ZNF418: variants seen among roughly 807,000 people sequenced by gnomAD.
ZNF418 encodes the protein zinc finger protein 418.
ZNF418 carries 32 observed loss-of-function variants against 32.0 expected under a neutral mutation model. The ratio of observed to expected loss-of-function variants is 1.00; its 90% CI spans 0.75 to 1.34. ZNF418 has a LOEUF of 1.34. Ranked by LOEUF, ZNF418 falls within the 40% of genes most tolerant of loss-of-function variation. The pLI, the probability that ZNF418 is intolerant of heterozygous loss-of-function variation, is 0.00. For synonymous variants in ZNF418, 276 were observed against 270.7 expected (o/e 1.02, Z -0.19); for missense variants, 804 against 812.5 (o/e 0.99, Z 0.13).
At chr19:57,931,461 C>G (rs1405258255) in intron 2 of ZNF418, among the ~76,000 whole-genome samples, 1 of 152,194 alleles carries the variant, frequency 6.6e-6, no homozygotes. Flanking sequence ...CTCGGCCTCC[C>G]ATAGTGCTGG....
At chr19:57,932,311 A>G in intron 2 of ZNF418, 1 of 872,782 alleles carries the variant, frequency 1.1e-6, no homozygotes, top group East Asian at 2.7e-5. Flanking sequence ...GAGGTCATAC[A>G]GTATCACCAC....
rs1310402673 is a variant in ZNF418 at position 57,926,754 on chromosome 19, T to C, written c.1427A>G (p.His476Arg). The C allele has an allele frequency of 6.2e-7, 1 of 1,614,208 alleles. No homozygotes were observed. ...KSHLIEHQRV[H>R]TGERPYECNE... ...ACATTCATATGGCCTTTCTCCAGTGTGAACTCTCTGGTGTTCAATGAGGTG... is the reference window on the plus strand; with the variant it reads ...ACATTCATATGGCCTTTCTCCAGTGCGAACTCTCTGGTGTTCAATGAGGTG... Residue 476 changes from histidine to arginine, a missense_variant, in exon 4 of 6, where the codon CAC (histidine) becomes CGC (arginine). Around this residue, in one of 3 missense-constraint regions of ZNF418, gnomAD observed 475 missense variants for 458.6 expected, o/e 1.04. Coordinates refer to ENST00000396147, the MANE Select transcript of ZNF418 (RefSeq NM_133460.3).
intron 2 of ZNF418, among the ~76,000 whole-genome samples, chr19:57,933,215 T>G (rs112016360): frequency 3.9e-5 from 6 of 152,360 alleles, no homozygotes; most frequent in African/African-American, 1.4e-4. Flanking sequence ...CTTCCATCAC[T>G]GCAGATGCTA....
Position 57,925,983 on chromosome 19 carries a change from A to G in ZNF418, c.*167T>C. On this transcript the variant is annotated 3_prime_UTR_variant, in exon 4 of 6. Coordinates refer to ENST00000396147, the MANE Select transcript of ZNF418 (RefSeq NM_133460.3). ...CAGAAGGCTTTCTCACATTCATCGC[A>G]CTCAAGAGGCCCTTCTGCAGTGGGA... The G allele has an allele frequency of 1.7e-6, 1 of 603,318 alleles. No homozygotes were observed. Among genetic ancestry groups the G allele is most frequent in the Non-Finnish European group, 2.9e-6 (1 of 345,124 alleles). 37.4% of individuals were successfully genotyped at this position (603,318 alleles called of 1,614,324 possible). A position where few individuals can be genotyped will look rare whatever the true frequency, so the allele number is the denominator to read the frequency against.
chr19:57,925,294 A>T (rs569961377), intron 4 of ZNF418, among the ~76,000 whole-genome samples: 1 of 152,234 alleles, frequency 6.6e-6, no homozygotes, highest in East Asian at 1.9e-4. Flanking sequence ...CCCCATTTCT[A>T]CTAAAAATAC....
intron 4 of ZNF418, among the ~76,000 whole-genome samples, chr19:57,925,228 A>AG (rs1471112704): frequency 6.6e-6 from 1 of 152,140 alleles, no homozygotes; most frequent in Non-Finnish European, 1.5e-5. Context: ...TGGGAGGCCA[A>AG]GGAGGGCAGA....
At chr19:57,931,493 C>T (rs779063968) in intron 2 of ZNF418, among the ~76,000 whole-genome samples, 7 of 152,096 alleles carry the variant, frequency 4.6e-5, no homozygotes, top group African/African-American at 1.2e-4. Context: ...TAAGCCACCA[C>T]GCCCGGCCTT....
Position 57,926,094 on chromosome 19 carries a change from C to A in ZNF418, c.*56G>T, listed in dbSNP as rs903611565. 7.0e-7 allele frequency: 1 copy of A among 1,430,174 alleles called. No individual in the cohort carries two copies. Among genetic ancestry groups the A allele is most frequent in the South Asian group, 1.3e-5 (1 of 77,064 alleles). The allele number at this position is 1,430,174 out of a possible 1,614,324, so 88.6% of individuals were successfully genotyped here. A position where few individuals can be genotyped will look rare whatever the true frequency, so the allele number is the denominator to read the frequency against. ...TCATAAGGTCCTGATCCAGTAAGAA[C>A]CCTCTGATCAAGAAGATGCACAGAG... On this transcript the variant is annotated 3_prime_UTR_variant, in exon 4 of 6. Transcript: ENST00000396147.
At chr19:57,933,190 T>C (rs1325192014) in intron 2 of ZNF418, among the ~76,000 whole-genome samples, 1 of 152,250 alleles carries the variant, frequency 6.6e-6, no homozygotes, top group Non-Finnish European at 1.5e-5. Context: ...TATGTGCTCA[T>C]CTCAGTTGAT....
chr19:57,925,718 C>T lies in ZNF418; in HGVS notation c.*432G>A, dbSNP rs922978332. 5.7e-6 allele frequency: 1 copy of T among 174,810 alleles called. No homozygotes were observed. Among genetic ancestry groups the T allele is most frequent in the Non-Finnish European group, 1.2e-5 (1 of 80,714 alleles). The allele number at this position is 174,810 out of a possible 1,614,324, so 10.8% of individuals were successfully genotyped here. A position where few individuals can be genotyped will look rare whatever the true frequency, so the allele number is the denominator to read the frequency against. ...CAGTGAACACCTGCCTCGTGGCCGA[C>T]ATAAAATGGCTTTTGCCAGATAACC... On this transcript the variant is annotated 3_prime_UTR_variant, in exon 4 of 6. Transcript: ENST00000396147.
chr19:57,923,519 CATATATACAT>C (rs1434076046), intron 4 of ZNF418, among the ~76,000 whole-genome samples: 2 of 146,266 alleles, frequency 1.4e-5, no homozygotes, highest in Non-Finnish European at 3.0e-5. Context: ...CACATATATA[CATATATACAT>C]ATATATACAT....
rs757277127 is a variant in ZNF418, at chr19:57,927,154, C to T, written c.1027G>A (p.Glu343Lys). ...AAACATTTCCCACATTCTTCACACT[C>T]ATAAGGTCTTTCTCCAGTGTGAACT... ...QRVHTGERPY[E>K]CEECGKCFTQ... is the part of the protein sequence containing the mutation. The change falls in exon 4 of 6, where the codon GAG becomes AAG. Residue 343 changes from glutamate (E) to lysine (K), a missense_variant. Physicochemically the swap from Glu to Lys is moderately conservative, Grantham distance 56. This residue lies in a region of ZNF418 where 475 missense variants were observed against 458.6 expected (regional missense o/e 1.04). Transcript: ENST00000396147. The T allele has an allele frequency of 3.7e-6, 6 of 1,614,156 alleles. No homozygotes were observed. Among genetic ancestry groups the T allele is most frequent in the Non-Finnish European group, 4.2e-6 (5 of 1,180,024 alleles).
intron 2 of ZNF418, among the ~76,000 whole-genome samples, chr19:57,931,665 T>C (rs921854528): frequency 3.3e-5 from 5 of 152,258 alleles, no homozygotes; most frequent in Non-Finnish European, 7.3e-5. Flanking sequence ...AGTGTGATCA[T>C]GGCTCATGGA....
At chr19:57,930,906 A>G (rs1387300006) in intron 2 of ZNF418, among the ~76,000 whole-genome samples, 1 of 152,012 alleles carries the variant, frequency 6.6e-6, no homozygotes, top group Non-Finnish European at 1.5e-5. Context: ...CCGCCCGAGT[A>G]GCTGGGATTA....
chr19:57,927,159 G>A lies in ZNF418; in HGVS notation c.1022C>T (p.Pro341Leu), dbSNP rs753749448. Residue 341 changes from proline to leucine, a missense_variant, in exon 4 of 6, where the codon CCT (proline) becomes CTT (leucine). Pro to Leu is a moderately conservative substitution (Grantham distance 98, BLOSUM62 -3). Transcript: ENST00000396147. The stretch of plus-strand genomic sequence containing the variant: ...TTTCCCACATTCTTCACACTCATAA[G>A]GTCTTTCTCCAGTGTGAACTCGTTG... The part of the protein sequence containing the change: ...KHQRVHTGER[P>L]YECEECGKCF... 6 of 1,614,016 alleles carry A rather than the reference G, an allele frequency of 3.7e-6. No individual in the cohort carries two copies. Among genetic ancestry groups the A allele is most frequent in the South Asian group, 3.3e-5 (3 of 91,076 alleles).
rs1243920592 is a variant in ZNF418 at position 57,925,856 on chromosome 19, A to G, written c.*294T>C. 1.2e-5 allele frequency: 4 copies of G among 330,290 alleles called. No individual in the cohort carries two copies. The highest frequency in any genetic ancestry group is 4.1e-5 in the African/African-American group (2 of 48,394). 20.5% of individuals were successfully genotyped at this position (330,290 alleles called of 1,614,324 possible). On this transcript the variant is annotated 3_prime_UTR_variant, in exon 4 of 6. Coordinates refer to ENST00000396147, the MANE Select transcript of ZNF418 (RefSeq NM_133460.3). ...GTCAATTTAGGCAGATGGCTCCGTC[A>G]TAAGGCATCTCCTCCAGTGTTATGT...
chr19:57,926,450 A>C lies in ZNF418; in HGVS notation c.1731T>G (p.Ser577Arg). The part of the protein sequence containing the change: ...ECRECGKFFS[S>R]LLEHRRVHTG... ...TGTGAACTCTCCTGTGTTCAAGGAG[A>C]CTGGAGAAGAATTTCCCACATTCTC... The change falls in exon 4 of 6, where the codon AGT becomes AGG. Residue 577 changes from serine to arginine, a missense_variant. By Grantham distance (110) the Ser-to-Arg change is moderately radical. Coordinates refer to ENST00000396147, the MANE Select transcript of ZNF418 (RefSeq NM_133460.3). 1 of 1,605,718 alleles carries C rather than the reference A, an allele frequency of 6.2e-7. No homozygotes were observed. Among genetic ancestry groups the C allele is most frequent in the Non-Finnish European group, 8.5e-7 (1 of 1,177,422 alleles).
In ZNF418 at chr19:57,927,270, T is replaced by G; in HGVS notation, c.911A>C (p.His304Pro). 6.2e-7 allele frequency: 1 copy of G among 1,614,234 alleles called. No homozygotes were observed. The highest frequency in any genetic ancestry group is 8.5e-7 in the Non-Finnish European group (1 of 1,180,044). ...SFSHKGSLVQ[H>P]QRVHTGERPY... ...TCTTTCTCCAGTATGAACTCGCTGA[T>G]GCTGAACAAGGCTGCCCTTATGACT... The change falls in exon 4 of 6, where the codon CAT (histidine) becomes CCT (proline). Residue 304 changes from histidine to proline, a missense_variant. This residue lies in a region of ZNF418 where 475 missense variants were observed against 458.6 expected (regional missense o/e 1.04). Transcript: ENST00000396147.
At position 57,924,656 on chromosome 19, in the gene ZNF418, G is replaced by C. The variant is rs148824482; in HGVS notation, c.*527+967C>G. Among the ~76,000 whole-genome samples the C allele has an allele frequency of 1.6e-4, 25 of 152,194 alleles. 2 individuals carry two copies. The highest frequency in any genetic ancestry group is 6.0e-4 in the African/African-American group (25 of 41,504). Reference sequence around the variant, plus strand: ...CTCATAACCTGGGACACCACACTACGAAACTCTGGATATCAGAGCACATGG... The same window carrying C: ...CTCATAACCTGGGACACCACACTACCAAACTCTGGATATCAGAGCACATGG... On this transcript the variant is annotated intron_variant, in intron 4 of 5. Coordinates refer to ENST00000396147, the MANE Select transcript of ZNF418 (RefSeq NM_133460.3).
Sources: allele counts gnomAD v4.1 joint callset (sites outside exome capture counted in the v4.1 genomes callset), GRCh38; gene constraint gnomAD v4.1.1; regional missense constraint gnomAD v4.1.1; transcripts MANE v1.5; gene names NCBI Gene and HGNC (gene_info 2026-07-23, HGNC 2026-07-21).